The following MYH10 variants were observed in gnomAD, a reference collection of about 807,000 sequenced individuals.
MYH10 encodes the protein myosin heavy chain 10.
MYH10 carries 55 observed loss-of-function variants against 257.8 expected under a neutral mutation model. That is an observed-to-expected ratio of 0.21 (90% CI 0.17 to 0.27). The LOEUF is 0.27. Among genes scored for constraint, MYH10 ranks in the 10% least tolerant of loss-of-function variants. The pLI is 1.00. For missense variants in MYH10, 1,631 were observed against 2,500.6 expected, an observed-to-expected ratio of 0.65 and a Z score of 7.42; for synonymous variants, 854 against 921.7, an observed-to-expected ratio of 0.93 and a Z score of 1.33.
intron 30 of MYH10, among the ~76,000 whole-genome samples, chr17:8,498,473 A>T (rs1917010347): frequency 1.3e-5 from 2 of 152,196 alleles, no homozygotes; most frequent in Admixed American, 6.5e-5. Flanking sequence ...AGGATAAATG[A>T]CTAGACATGG....
intron 14 of MYH10, among the ~76,000 whole-genome samples, chr17:8,538,681 G>A (rs964489988): frequency 2.0e-5 from 3 of 152,182 alleles, no homozygotes; most frequent in South Asian, 2.1e-4. Flanking sequence ...TCTAAAGGCT[G>A]AAGGAAGAGC....
intron 1 of MYH10, among the ~76,000 whole-genome samples, chr17:8,627,487 TCTC>T (rs1330356284): frequency 6.6e-6 from 1 of 152,182 alleles, no homozygotes; most frequent in East Asian, 1.9e-4. Context: ...TTTGTACTGT[TCTC>T]CTGACTTTCT....
chr17:8,566,142 A>G lies in MYH10; in HGVS notation c.756+3578T>C, dbSNP rs914727481. Among the ~76,000 whole-genome samples, 27 of 152,186 alleles carry G rather than the reference A, an allele frequency of 1.8e-4. 1 individual carries two copies. Among genetic ancestry groups the G allele is most frequent in the South Asian group, 2.1e-4 (1 of 4,820 alleles). ...CAGTTAAACAAAGAAAGATGTCTCC[A>G]GACACCGCCAACGTCCCTTGGGGAA... On this transcript the variant is annotated intron_variant, in intron 7 of 42. Transcript: ENST00000360416.
chr17:8,489,983 C>G (rs1915516092), intron 35 of MYH10, among the ~76,000 whole-genome samples: 1 of 152,104 alleles, frequency 6.6e-6, no homozygotes, highest in Non-Finnish European at 1.5e-5. Context: ...GAATCTGAAC[C>G]ACAGACATCT....
chr17:8,583,810 A>G (rs192159524), intron 4 of MYH10, among the ~76,000 whole-genome samples: 41 of 152,330 alleles, frequency 2.7e-4, no homozygotes, highest in African/African-American at 9.6e-4. Context: ...TCACATCTTA[A>G]TAGGCCATTG....
At chr17:8,509,749 A>G in intron 25 of MYH10, 63 bp downstream of exon 25, 1 of 1,497,066 alleles carries the variant, frequency 6.7e-7, no homozygotes, top group Non-Finnish European at 9.0e-7. Flanking sequence ...GAGTGTATCA[A>G]CATAATATTA....
Position 8,504,762 on chromosome 17 carries a change from C to T in MYH10, c.3531G>A (p.Glu1177=). The T allele has an allele frequency of 1.2e-6, 2 of 1,614,236 alleles. No homozygotes were observed. Among genetic ancestry groups the T allele is most frequent in the Non-Finnish European group, 1.7e-6 (2 of 1,180,036 alleles). The change falls in exon 28 of 43, where the codon GAG becomes GAA. Residue 1177 remains glutamate (E), a synonymous_variant. Coordinates refer to ENST00000360416, the MANE Select transcript of MYH10 (RefSeq NM_001256012.3). This position sits in a 1 kb window ranked among gnomAD's most constrained non-coding sequence, Gnocchi z 5.6. The part of the protein sequence containing the change: ...KAEKQKRDLS[E]ELEALKTELE... ...GCTCTGTTTTCAGAGCTTCCAGTTC[C>T]TCACTCAAGTCCCTTTTCTGCTTTT...
Position 8,525,530 on chromosome 17 carries a change from C to T in MYH10, c.1958-4245G>A, listed in dbSNP as rs114349164. The stretch of plus-strand genomic sequence containing the variant: ...CTAAGTGAACTTGCACGAAGTTTAC[C>T]AGAAGAACAAATCACCACTACAACA... On this transcript the variant is annotated intron_variant, in intron 17 of 42. Transcript: ENST00000360416. Among the ~76,000 whole-genome samples, 430 of 152,290 alleles carry T rather than the reference C, an allele frequency of 2.8e-3. 1 individual carries two copies. The highest frequency in any genetic ancestry group is 0.01 in the African/African-American group (423 of 41,542).
At chr17:8,511,791 C>A (rs1293706737) in intron 24 of MYH10, among the ~76,000 whole-genome samples, 1 of 152,190 alleles carries the variant, frequency 6.6e-6, no homozygotes, top group Non-Finnish European at 1.5e-5. Context: ...ATGGTCAATT[C>A]CATTTCATGT....
intron 2 of MYH10, among the ~76,000 whole-genome samples, chr17:8,616,731 T>C (rs1420140804): frequency 2.0e-5 from 3 of 151,958 alleles, no homozygotes; most frequent in Non-Finnish European, 4.4e-5. Flanking sequence ...AAGATCCCAA[T>C]CAAAATTTCA....
intron 4 of MYH10, among the ~76,000 whole-genome samples, chr17:8,579,544 A>C (rs1268840293): frequency 6.6e-6 from 1 of 152,190 alleles, no homozygotes; most frequent in African/African-American, 2.4e-5. Context: ...TGACAATTCT[A>C]GATATAACCC....
chr17:8,579,330 G>A (rs770015973), intron 4 of MYH10, among the ~76,000 whole-genome samples: 4 of 151,742 alleles, frequency 2.6e-5, no homozygotes, highest in Non-Finnish European at 5.9e-5. Context: ...TAAATTTTTC[G>A]GTAGTTTACT....
chr17:8,476,065 C>A, intron 42 of MYH10, 117 bp from the exon 43 acceptor site: 2 of 1,215,972 alleles, frequency 1.6e-6, no homozygotes, highest in African/African-American at 1.5e-5. Context: ...CTCGGACACA[C>A]GACCTTGTGG....
At chr17:8,630,483 C>T (rs968835440) in intron 1 of MYH10, among the ~76,000 whole-genome samples, 171 bp downstream of exon 1, 1 of 152,112 alleles carries the variant, frequency 6.6e-6, no homozygotes, top group African/African-American at 2.4e-5. Flanking sequence ...CCCCGCAGCA[C>T]AAACCCTACA....
chr17:8,588,959 G>T (rs2084017918), intron 4 of MYH10, 122 bp downstream of exon 4: 3 of 893,940 alleles, frequency 3.4e-6, no homozygotes, highest in South Asian at 3.0e-5. Flanking sequence ...TAAAATAACT[G>T]CGAGGTTTAC....
chr17:8,500,872 G>C lies in MYH10; in HGVS notation c.3698C>G (p.Ala1233Gly). ...AQIQDMRQRH[A>G]TALEELSEQL... is the part of the protein sequence containing the mutation. ...CTCTGAGAGCTCCTCCAGGGCTGTTGCGTGTCTTTGTCTCATGTCCTGGAT... is the reference window on the plus strand; with the variant it reads ...CTCTGAGAGCTCCTCCAGGGCTGTTCCGTGTCTTTGTCTCATGTCCTGGAT... The change falls in exon 29 of 43, where the codon GCA (alanine) becomes GGA (glycine). Residue 1233 changes from alanine (A) to glycine (G), a missense_variant. By Grantham distance (60) the Ala-to-Gly change is moderately conservative. This residue lies in a region of MYH10 where 463 missense variants were observed against 621.8 expected (regional missense o/e 0.74). Transcript: ENST00000360416. 1 of 1,614,018 alleles carries C rather than the reference G, an allele frequency of 6.2e-7. No homozygotes were observed. The highest frequency in any genetic ancestry group is 1.3e-5 in the African/African-American group (1 of 75,038).
chr17:8,617,928 ATACAT>A (rs2085328138), intron 2 of MYH10, among the ~76,000 whole-genome samples: 1 of 152,214 alleles, frequency 6.6e-6, no homozygotes, highest in Admixed American at 6.5e-5. Flanking sequence ...AAAACAATAA[ATACAT>A]TACATGTTAA....
intron 4 of MYH10, among the ~76,000 whole-genome samples, chr17:8,584,231 T>C (rs151187598): frequency 5.8e-4 from 88 of 152,264 alleles, no homozygotes; most frequent in African/African-American, 2.0e-3. Flanking sequence ...AAAGGTTACC[T>C]GGGGAACTAT....
chr17:8,534,174 T>TCA (rs1413766761), intron 16 of MYH10, among the ~76,000 whole-genome samples: 3 of 152,206 alleles, frequency 2.0e-5, no homozygotes, highest in Non-Finnish European at 2.9e-5. Flanking sequence ...TTCCCAGTCC[T>TCA]CACACAGCAT....
Sources: gnomAD v4.1 joint callset for allele counts (sites outside exome capture counted in the v4.1 genomes callset) on GRCh38, gnomAD v4.1.1 for gene constraint, gnomAD v4.1.1 regional missense constraint, Gnocchi (gnomAD v3.1) non-coding constraint, MANE v1.5 for transcripts, NCBI Gene and HGNC (gene_info 2026-07-23, HGNC 2026-07-21) for gene names.